The following SRGAP1 variants were observed in gnomAD, a reference collection of about 807,000 sequenced individuals.
The protein encoded by SRGAP1 is SLIT-ROBO Rho GTPase-activating protein 1.
Under a neutral mutation model 121.9 loss-of-function variants are expected in SRGAP1, and 43 were observed. The observed-to-expected ratio is 0.35, with a 90% confidence interval of 0.28 to 0.46. SRGAP1 has a LOEUF of 0.46. SRGAP1 is among the 20% of genes least tolerant of loss of function. The pLI, the probability that SRGAP1 is intolerant of heterozygous loss-of-function variation, is 1.00. For missense variants in SRGAP1, 1,102 were observed against 1,350.9 expected, an observed-to-expected ratio of 0.82 and a Z score of 2.89; for synonymous variants, 447 against 485.4, an observed-to-expected ratio of 0.92 and a Z score of 1.04.
At chr12:63,916,616 A>T (rs74893152) in intron 1 of SRGAP1, among the ~76,000 whole-genome samples, 1 of 152,110 alleles carries the variant, frequency 6.6e-6, no homozygotes, top group Non-Finnish European at 1.5e-5. Flanking sequence ...AAATGTGTGC[A>T]GAGTGTTCTA....
At chr12:63,889,592 A>G (rs999325011) in intron 1 of SRGAP1, among the ~76,000 whole-genome samples, 1 of 152,092 alleles carries the variant, frequency 6.6e-6, no homozygotes, top group Non-Finnish European at 1.5e-5. Context: ...TACAGAGAGA[A>G]TATCAATGGC....
intron 1 of SRGAP1, among the ~76,000 whole-genome samples, chr12:63,979,534 C>A (rs1470735159): frequency 6.6e-6 from 1 of 152,002 alleles, no homozygotes; most frequent in Non-Finnish European, 1.5e-5. Context: ...ATGTTTTCCA[C>A]ACTCTTCCAG....
rs1004787174 is a variant in SRGAP1 at position 63,986,193 on chromosome 12, T to TTC, written c.263+2060_263+2061dup. On this transcript the variant is annotated intron_variant, in intron 2 of 21. Coordinates refer to ENST00000355086, the MANE Select transcript of SRGAP1 (RefSeq NM_020762.4). ...CTCTCCCTTTCTCTCTTCTCTCTCTTTCTCTCTCTCCCCCCCGACACACAC... is the reference window on the plus strand; with the variant it reads ...CTCTCCCTTTCTCTCTTCTCTCTCTTTCTCTCTCTCTCCCCCCCGACACACAC... 8.6e-5 allele frequency among the ~76,000 whole-genome samples: 13 copies of TTC among 151,238 alleles called. 1 individual carries two copies. Among genetic ancestry groups the TTC allele is most frequent in the Admixed American group, 7.9e-4 (12 of 15,168 alleles).
chr12:63,982,596 T>C (rs2033284541), intron 1 of SRGAP1: 1 of 152,224 alleles, frequency 6.6e-6, no homozygotes, highest in Non-Finnish European at 1.5e-5. Flanking sequence ...TGGCCTTCTC[T>C]ATCTAAGAGG....
At chr12:64,040,056 A>T (rs765539325) in intron 4 of SRGAP1, among the ~76,000 whole-genome samples, 14 of 152,178 alleles carry the variant, frequency 9.2e-5, no homozygotes, top group Non-Finnish European at 2.1e-4. Context: ...AAGGAAAGCC[A>T]TCATCAGATT....
chr12:64,001,383 T>C (rs1313821945), intron 3 of SRGAP1, among the ~76,000 whole-genome samples: 1 of 152,210 alleles, frequency 6.6e-6, no homozygotes, highest in Non-Finnish European at 1.5e-5. Flanking sequence ...ATCAACTCCC[T>C]GAAGTATTTC....
chr12:63,861,637 C>T (rs1050279634), intron 1 of SRGAP1, among the ~76,000 whole-genome samples: 2 of 152,032 alleles, frequency 1.3e-5, no homozygotes, highest in African/African-American at 4.8e-5. Flanking sequence ...TATCTTTCAG[C>T]TCTGTGTATT....
At chr12:63,999,597 C>T (rs1161426467) in intron 3 of SRGAP1, among the ~76,000 whole-genome samples, 3 of 152,026 alleles carry the variant, frequency 2.0e-5, no homozygotes, top group Non-Finnish European at 4.4e-5. Context: ...AGAGGTGACA[C>T]CCAGGCTTGG....
At chr12:63,875,445 G>C (rs903876029) in intron 1 of SRGAP1, among the ~76,000 whole-genome samples, 1 of 152,160 alleles carries the variant, frequency 6.6e-6, no homozygotes, top group African/African-American at 2.4e-5. Context: ...ATGCTGAAAT[G>C]TATGTAAACA....
chr12:64,073,013 C>G (rs925118347), intron 8 of SRGAP1, among the ~76,000 whole-genome samples: 1 of 152,214 alleles, frequency 6.6e-6, no homozygotes, highest in African/African-American at 2.4e-5. Flanking sequence ...TCTCCTTCCA[C>G]CAAAACCCAA....
intron 10 of SRGAP1, among the ~76,000 whole-genome samples, chr12:64,083,771 G>A (rs1014673002): frequency 6.6e-6 from 1 of 152,102 alleles, no homozygotes; most frequent in Non-Finnish European, 1.5e-5. Flanking sequence ...GCAGCATTTG[G>A]AGTTAAGGGG....
At chr12:63,958,111 AG>A (rs1263279901) in intron 1 of SRGAP1, among the ~76,000 whole-genome samples, 1 of 152,128 alleles carries the variant, frequency 6.6e-6, no homozygotes, top group Non-Finnish European at 1.5e-5. Context: ...CCTTAGGATG[AG>A]GGGACTGAGT....
At chr12:63,975,543 G>T (rs190504440) in intron 1 of SRGAP1, among the ~76,000 whole-genome samples, 100 of 152,208 alleles carry the variant, frequency 6.6e-4, no homozygotes, top group Admixed American at 1.8e-3. Flanking sequence ...AAAATTTTAT[G>T]ATTGTAACAT....
At position 63,986,463 on chromosome 12, in the gene SRGAP1, G is replaced by A. The variant is rs868041939; in HGVS notation, c.263+2321G>A. Among the ~76,000 whole-genome samples, 8 of 149,598 alleles carry A rather than the reference G, an allele frequency of 5.3e-5. No individual in the cohort carries two copies. The South Asian group carries it at 6.4e-4, about 12-fold the overall frequency. The stretch of plus-strand genomic sequence containing the variant: ...TTTTGAGATGGAGTTTTGCTCTGTC[G>A]CCCAGGCTGGAGTGCAGTGGTGCAA... On this transcript the variant is annotated intron_variant, in intron 2 of 21. Coordinates refer to ENST00000355086, the MANE Select transcript of SRGAP1 (RefSeq NM_020762.4).
intron 1 of SRGAP1, among the ~76,000 whole-genome samples, chr12:63,932,106 T>C (rs1269390309): frequency 6.6e-6 from 1 of 151,966 alleles, no homozygotes. Context: ...TGAAACCCTG[T>C]CTCTACTAAA....
intron 3 of SRGAP1, among the ~76,000 whole-genome samples, chr12:63,995,181 T>C (rs1418980888): frequency 6.6e-6 from 1 of 152,218 alleles, no homozygotes; most frequent in Non-Finnish European, 1.5e-5. Context: ...AAATCATTAA[T>C]ATTTTTTATC....
intron 10 of SRGAP1, among the ~76,000 whole-genome samples, chr12:64,084,656 A>AT: frequency 6.6e-6 from 1 of 152,178 alleles, no homozygotes; most frequent in East Asian, 1.9e-4. Context: ...TAGGTTTTTA[A>AT]TTTTTTATCT....
chr12:63,911,928 A>G (rs529209052), intron 1 of SRGAP1, among the ~76,000 whole-genome samples: 1 of 152,298 alleles, frequency 6.6e-6, no homozygotes, highest in Admixed American at 6.5e-5. Flanking sequence ...CCAGAGGCCT[A>G]TAATTAGCTC....
rs182777871 is a variant in SRGAP1, at chr12:63,913,975, A to G, written c.67+69092A>G. Among the ~76,000 whole-genome samples the G allele has an allele frequency of 1.2e-3, 187 of 152,108 alleles. 2 individuals carry two copies. Among genetic ancestry groups the G allele is most frequent in the Admixed American group, 5.2e-4 (8 of 15,278 alleles). ...GATAGTTTGGGAAGCACTATTTATT[A>G]TTTTTTCTTATCTGTCCTCTGTGCT... On this transcript the variant is annotated intron_variant, in intron 1 of 21. Transcript: ENST00000355086.
Sources: allele counts gnomAD v4.1 joint callset (sites outside exome capture counted in the v4.1 genomes callset), GRCh38; gene constraint gnomAD v4.1.1; transcripts MANE v1.5; gene names NCBI Gene and HGNC (gene_info 2026-07-23, HGNC 2026-07-21).